The following FAM83B variants were observed in gnomAD, a reference collection of about 807,000 sequenced individuals.
FAM83B encodes the protein protein FAM83B.
FAM83B carries 26 observed loss-of-function variants against 38.8 expected under a neutral mutation model. That is an observed-to-expected ratio of 0.67 (90% CI 0.49 to 0.93). FAM83B has a LOEUF of 0.93. Among genes scored for constraint, FAM83B ranks in the 40% least tolerant of loss-of-function variants. The probability of loss-of-function intolerance (pLI) is 0.00; values close to 1 mark genes in which losing one functional copy is unlikely to be tolerated. For missense variants in FAM83B, 1,237 were observed against 1,197.3 expected (o/e 1.03, Z -0.49); for synonymous variants, 419 against 423.1 (o/e 0.99, Z 0.12).
chr6:54,846,503 GAA>G (rs151089222), upstream of FAM83B, among the ~76,000 whole-genome samples: 230 of 152,368 alleles, frequency 1.5e-3, 2 homozygotes, highest in African/African-American at 5.2e-3. Context: ...GGGCAGGAAA[GAA>G]AGGCTTTTTC....
At chr6:54,931,481 A>G (rs1176614479) in intron 4 of FAM83B, among the ~76,000 whole-genome samples, 3 of 150,292 alleles carry the variant, frequency 2.0e-5, no homozygotes, top group Non-Finnish European at 4.4e-5. Flanking sequence ...TGCTGCACAA[A>G]TACTTATAAT....
chr6:54,875,697 G>C (rs1771974285), intron 2 of FAM83B, among the ~76,000 whole-genome samples: 2 of 144,446 alleles, frequency 1.4e-5, no homozygotes, highest in Admixed American at 1.4e-4. Flanking sequence ...GAAAGGGAGA[G>C]AAAAGAAGGT....
At chr6:54,852,409 T>G (rs6908745) in intron 1 of FAM83B, among the ~76,000 whole-genome samples, 50,305 of 152,002 alleles carry the variant, frequency 0.33, 9,690 homozygotes, top group Non-Finnish European at 0.44. Context: ...TGTAATTTTT[T>G]GGGGGTGCTA....
intron 2 of FAM83B, among the ~76,000 whole-genome samples, chr6:54,903,485 A>G (rs139330751): frequency 1.3e-5 from 2 of 152,290 alleles, no homozygotes; most frequent in Non-Finnish European, 2.9e-5. Flanking sequence ...AATAGCTTCA[A>G]TTTTTAACAA....
chr6:54,922,281 A>G (rs1280709068), intron 2 of FAM83B, among the ~76,000 whole-genome samples: 2 of 152,062 alleles, frequency 1.3e-5, no homozygotes, highest in South Asian at 2.1e-4. Context: ...ATTTTTAAAT[A>G]TGCTAATTAA....
At chr6:54,874,852 C>G (rs2127576420) in intron 2 of FAM83B, among the ~76,000 whole-genome samples, 1 of 152,188 alleles carries the variant, frequency 6.6e-6, no homozygotes, top group Non-Finnish European at 1.5e-5. Flanking sequence ...ACCACATTAC[C>G]TGAGTTCAGG....
chr6:54,873,506 T>A (rs909802779), intron 2 of FAM83B, among the ~76,000 whole-genome samples: 1 of 152,200 alleles, frequency 6.6e-6, no homozygotes, highest in Non-Finnish European at 1.5e-5. Flanking sequence ...ACAGATGTCA[T>A]GCTCTTATTA....
chr6:54,940,098 A>G lies in FAM83B; in HGVS notation c.1127A>G (p.Gln376Arg). The change falls in exon 5 of 5, where the codon CAA (glutamine) becomes CGA (arginine). Residue 376 changes from glutamine (Q) to arginine (R), a missense_variant. Physicochemically the swap from Gln to Arg is conservative, Grantham distance 43. Coordinates refer to ENST00000306858, the MANE Select transcript of FAM83B (RefSeq NM_001010872.3). Reference sequence around the variant, plus strand: ...GGTCCAAACGCAATACGTCAGTTTCAACCCAATCAGATAAATGAAAATTGG... The same window carrying G: ...GGTCCAAACGCAATACGTCAGTTTCGACCCAATCAGATAAATGAAAATTGG... ...FNGPNAIRQF[Q>R]PNQINENWKR... is the part of the protein sequence containing the mutation. 6.2e-7 allele frequency: 1 copy of G among 1,614,126 alleles called. No individual in the cohort carries two copies. The highest frequency in any genetic ancestry group is 1.1e-5 in the South Asian group (1 of 91,078).
intron 2 of FAM83B, among the ~76,000 whole-genome samples, chr6:54,913,733 A>G (rs996041624): frequency 3.9e-5 from 6 of 152,082 alleles, no homozygotes; most frequent in Admixed American, 3.3e-4. Flanking sequence ...CTTGTTATGG[A>G]AGTTTTCAAA....
chr6:54,867,640 A>C (rs1266994102), intron 1 of FAM83B, among the ~76,000 whole-genome samples: 2 of 151,946 alleles, frequency 1.3e-5, no homozygotes, highest in Non-Finnish European at 2.9e-5. Context: ...CTTCAGATTA[A>C]TTTATCTATG....
chr6:54,888,895 T>G (rs991049216), intron 2 of FAM83B, among the ~76,000 whole-genome samples: 3 of 152,022 alleles, frequency 2.0e-5, no homozygotes, highest in African/African-American at 7.2e-5. Flanking sequence ...TACATTGTTT[T>G]GTTTGTTTGT....
intron 2 of FAM83B, among the ~76,000 whole-genome samples, chr6:54,898,158 G>A (rs922709543): frequency 1.3e-5 from 2 of 152,044 alleles, no homozygotes; most frequent in African/African-American, 2.4e-5. Flanking sequence ...ATCCAGTATA[G>A]CTTTCTCTAT....
intron 2 of FAM83B, among the ~76,000 whole-genome samples, chr6:54,913,414 A>T (rs1012560876): frequency 1.3e-5 from 2 of 152,048 alleles, no homozygotes; most frequent in Non-Finnish European, 2.9e-5. Context: ...CAATAATCCC[A>T]TGGGACAGGA....
chr6:54,902,802 T>C (rs990829279), intron 2 of FAM83B, among the ~76,000 whole-genome samples: 5 of 152,036 alleles, frequency 3.3e-5, no homozygotes, highest in African/African-American at 9.7e-5. Context: ...TTTCAAGGAG[T>C]GCTGATTACT....
chr6:54,873,490 T>C (rs1409611811), intron 2 of FAM83B, among the ~76,000 whole-genome samples: 1 of 152,176 alleles, frequency 6.6e-6, no homozygotes, highest in African/African-American at 2.4e-5. Flanking sequence ...GACTATCATT[T>C]ACTCAACAGA....
At chr6:54,903,580 T>A (rs1174827121) in intron 2 of FAM83B, among the ~76,000 whole-genome samples, 1 of 152,236 alleles carries the variant, frequency 6.6e-6, no homozygotes, top group Non-Finnish European at 1.5e-5. Flanking sequence ...TCTTGGCCAC[T>A]TATATCGGTT....
upstream of FAM83B, among the ~76,000 whole-genome samples, chr6:54,846,583 G>C (rs781378781): frequency 1.3e-5 from 2 of 152,182 alleles, no homozygotes; most frequent in African/African-American, 4.8e-5. Context: ...GGCTGTTCGG[G>C]GTTTGGCGTG....
Position 54,874,275 on chromosome 6 carries a change from ATTTC to A in FAM83B, c.444+3593_444+3596del, listed in dbSNP as rs1265044569. ...ATTTTTTGTTTATTTGTTTTGTTTTATTTCTTTCTTTTGTATGTTTGCTTATTTT... is the reference window on the plus strand; with the variant it reads ...ATTTTTTGTTTATTTGTTTTGTTTTATTTCTTTTGTATGTTTGCTTATTTT... On this transcript the variant is annotated intron_variant, in intron 2 of 4. Coordinates refer to ENST00000306858, the MANE Select transcript of FAM83B (RefSeq NM_001010872.3). Among the ~76,000 whole-genome samples the A allele has an allele frequency of 2.0e-5, 3 of 151,520 alleles. No individual in the cohort carries two copies. The East Asian group carries it at 5.9e-4, about 30-fold the overall frequency.
Position 54,870,602 on chromosome 6 carries a change from C to G in FAM83B, c.356C>G (p.Thr119Ser). ...GTGATGCCCGGACTCTTAGGGGGCA[C>G]CCATATAGATCTCCTTTTTCATCCA... ...PYVMPGLLGG[T>S]HIDLLFHPPR... Residue 119 changes from threonine (T) to serine (S), a missense_variant, in exon 2 of 5, where the codon ACC becomes AGC. Thr to Ser is a moderately conservative substitution (Grantham distance 58). Coordinates refer to ENST00000306858, the MANE Select transcript of FAM83B (RefSeq NM_001010872.3). 6.2e-7 allele frequency: 1 copy of G among 1,613,748 alleles called. No individual in the cohort carries two copies. The highest frequency in any genetic ancestry group is 8.5e-7 in the Non-Finnish European group (1 of 1,179,914).
Sources: gnomAD v4.1 joint callset for allele counts (sites outside exome capture counted in the v4.1 genomes callset) on GRCh38, gnomAD v4.1.1 for gene constraint, MANE v1.5 for transcripts, NCBI Gene and HGNC (gene_info 2026-07-23, HGNC 2026-07-21) for gene names.